OGG1: variants seen among roughly 807,000 people sequenced by gnomAD.
OGG1 encodes 8-oxoguanine DNA glycosylase.
OGG1 carries 35 observed loss-of-function variants against 42.3 expected under a neutral mutation model. The ratio of observed to expected loss-of-function variants is 0.83; its 90% CI spans 0.63 to 1.10. The LOEUF is 1.10. Ranked by LOEUF, OGG1 falls within the 50% of genes least tolerant of loss-of-function variation. OGG1 has a pLI of 0.00. For missense variants in OGG1, 484 were observed against 446.7 expected (o/e 1.08, Z -0.75); for synonymous variants, 189 against 179.0 (o/e 1.06, Z -0.44).
chr3:9,780,133 G>T, intron 2 of OGG1: 3 of 446,224 alleles, frequency 6.7e-6, no homozygotes, highest in Admixed American at 7.8e-5. Flanking sequence ...ACCCCATCTC[G>T]GGGACCAAGC....
intron 3 of OGG1, among the ~76,000 whole-genome samples, chr3:9,754,289 C>T (rs952977898): frequency 1.3e-5 from 2 of 152,214 alleles, no homozygotes; most frequent in African/African-American, 4.8e-5. Flanking sequence ...CAGTGGGGTT[C>T]TTGGGAAAAG....
At chr3:9,751,311 T>C (rs1026860394) in intron 2 of OGG1, 119 bp downstream of exon 2, 9 of 1,024,844 alleles carry the variant, frequency 8.8e-6, no homozygotes, top group Admixed American at 4.0e-5. Flanking sequence ...TATGAGGATT[T>C]AAGGAACTAA....
chr3:9,755,594 G>C (rs2077506964), intron 4 of OGG1, among the ~76,000 whole-genome samples: 2 of 151,456 alleles, frequency 1.3e-5, no homozygotes, highest in Admixed American at 1.3e-4. Flanking sequence ...CTCCAGATTA[G>C]CTGGGATTAC....
downstream of OGG1, chr3:9,757,526 GA>G (rs1205019761): frequency 6.2e-7 from 1 of 1,609,730 alleles, no homozygotes; most frequent in Non-Finnish European, 8.5e-7. This position sits in a 1 kb window ranked among gnomAD's most constrained non-coding sequence, Gnocchi z 4.5. Context: ...ATCATGACCC[GA>G]GGTCCAGGGC....
intron 2 of OGG1, among the ~76,000 whole-genome samples, chr3:9,777,790 G>A (rs1466789757): frequency 2.0e-5 from 3 of 152,142 alleles, no homozygotes; most frequent in Non-Finnish European, 4.4e-5. Context: ...CTCTGTTCTT[G>A]GAACTCTCTA....
At chr3:9,771,974 G>T (rs1275896973) in intron 2 of OGG1, among the ~76,000 whole-genome samples, 1 of 151,776 alleles carries the variant, frequency 6.6e-6, no homozygotes, top group African/African-American at 2.4e-5. Context: ...GAACCAACAC[G>T]CCCAACTAAT....
chr3:9,778,779 T>C (rs1393001089), intron 2 of OGG1, among the ~76,000 whole-genome samples: 1 of 152,078 alleles, frequency 6.6e-6, no homozygotes, highest in Admixed American at 6.6e-5. Flanking sequence ...GGATTGGCAC[T>C]TGACTGGCCA....
chr3:9,787,523 G>A lies in OGG1; in HGVS notation c.383-205G>A, dbSNP rs2078644386. The A allele has an allele frequency of 1.8e-5, 18 of 1,015,330 alleles. No individual in the cohort carries two copies. In the South Asian group the frequency reaches 2.4e-4, roughly 14 times the overall value. 62.9% of individuals were successfully genotyped at this position (1,015,330 alleles called of 1,614,324 possible). On this transcript the variant is annotated intron_variant, in intron 3 of 3. Transcript: ENST00000426518. ...CTGTACTTCACACTCTAGTAAGGGA[G>A]ACAGGTCCAAAAAGAACTAAGACAC...
chr3:9,752,211 G>C (rs1247942249), intron 3 of OGG1: 5 of 531,258 alleles, frequency 9.4e-6, no homozygotes, highest in African/African-American at 5.7e-5. Context: ...CAGTAGTTTG[G>C]GGTTAAGAGC....
At chr3:9,765,371 CTG>C (rs1446826341) in intron 7 of OGG1, among the ~76,000 whole-genome samples, 1 of 152,054 alleles carries the variant, frequency 6.6e-6, no homozygotes, top group Non-Finnish European at 1.5e-5. Flanking sequence ...TGGATTTAGT[CTG>C]GGGGTCAGCA....
chr3:9,769,126 C>T (rs992513575), downstream of OGG1, among the ~76,000 whole-genome samples: 33 of 152,054 alleles, frequency 2.2e-4, no homozygotes, highest in African/African-American at 8.0e-4. Flanking sequence ...CCACACCACA[C>T]AGTGCCCCAG....
chr3:9,752,035 C>G, intron 3 of OGG1, 86 bp downstream of exon 3: 1 of 1,324,126 alleles, frequency 7.6e-7, no homozygotes, highest in Non-Finnish European at 1.1e-6. Flanking sequence ...CTCAAGGCTT[C>G]CTGCCTTCCC....
In OGG1 at chr3:9,754,829, T is replaced by C. The variant is rs762446854; in HGVS notation, c.691T>C (p.Ser231Pro). ...AGCCTGGCTGCAGCAGCTACGAGAG[T>C]CCTCATATGAGGAGGCCCACAAGGC... ...GLAWLQQLRESSYEEAHKALC... is the reference protein window; with the variant it reads ...GLAWLQQLREPSYEEAHKALC... The change falls in exon 4 of 7, where the codon TCC becomes CCC. Residue 231 changes from serine to proline, a missense_variant. By Grantham distance (74) the Ser-to-Pro change is moderately conservative (BLOSUM62 -1). Transcript: ENST00000344629. 23 of 1,611,084 alleles carry C rather than the reference T, an allele frequency of 1.4e-5. No individual in the cohort carries two copies. The highest frequency in any genetic ancestry group is 1.7e-5 in the Non-Finnish European group (20 of 1,178,766).
intron 2 of OGG1, chr3:9,780,361 C>T: frequency 1.2e-6 from 2 of 1,611,778 alleles, no homozygotes; most frequent in Non-Finnish European, 1.7e-6. Flanking sequence ...TGAGGGCTAC[C>T]CATCCAGCAG....
chr3:9,776,459 G>A (rs1301813350), intron 2 of OGG1, among the ~76,000 whole-genome samples: 6 of 143,638 alleles, frequency 4.2e-5, no homozygotes, highest in African/African-American at 1.5e-4. Flanking sequence ...GCGCGATCTC[G>A]GCTCACTGCA....
intron 2 of OGG1, among the ~76,000 whole-genome samples, chr3:9,779,075 C>G (rs1056156615): frequency 2.0e-5 from 3 of 152,040 alleles, no homozygotes; most frequent in East Asian, 1.9e-4. Flanking sequence ...ATTTATTCAT[C>G]TGTGTCCCTT....
At chr3:9,785,508 A>G (rs1009098891) in intron 3 of OGG1, 1 of 895,922 alleles carries the variant, frequency 1.1e-6, no homozygotes. Flanking sequence ...ACAGTCTTCA[A>G]ACACCAGAAA....
chr3:9,757,988 C>T, downstream of OGG1: 2 of 1,385,248 alleles, frequency 1.4e-6, no homozygotes, highest in Non-Finnish European at 1.9e-6. This position sits in a 1 kb window ranked among gnomAD's most constrained non-coding sequence, Gnocchi z 4.5. Context: ...TAAAGCCCCC[C>T]AAAAACCTCT....
chr3:9,750,436 G>A lies in OGG1; in HGVS notation c.137+13G>A. The A allele has an allele frequency of 6.2e-7, 1 of 1,613,492 alleles. No individual in the cohort carries two copies. The highest frequency in any genetic ancestry group is 8.5e-7 in the Non-Finnish European group (1 of 1,179,998). The stretch of plus-strand genomic sequence containing the variant: ...GACAATCTTTCCGGTGAGTGACTGA[G>A]CCTGAGAAGCCTGTCCCCTCGGACT... On this transcript the variant is annotated intron_variant, in intron 1 of 6. Transcript: ENST00000344629.
Sources: allele counts gnomAD v4.1 joint callset (sites outside exome capture counted in the v4.1 genomes callset), GRCh38; gene constraint gnomAD v4.1.1; non-coding constraint Gnocchi (gnomAD v3.1); transcripts MANE v1.5; gene names NCBI Gene and HGNC (gene_info 2026-07-23, HGNC 2026-07-21).